Variants in PTCSC3 observed in about 807,000 individuals in gnomAD.
The protein encoded by PTCSC3 is papillary thyroid carcinoma susceptibility candidate 3.
chr14:36,149,985 C>G (rs1293216792), intron 3 of PTCSC3, among the ~76,000 whole-genome samples: 1 of 152,122 alleles, frequency 6.6e-6, no homozygotes, highest in Non-Finnish European at 1.5e-5. Context: ...TGAGCATTTC[C>G]TTTGATCATC....
chr14:36,169,450 G>A lies in PTCSC3; in HGVS notation n.172-6767C>T, dbSNP rs187061819. On this transcript the variant is annotated intron_variant and non_coding_transcript_variant, in intron 1 of 3. Transcript: ENST00000556013. Reference sequence around the variant, plus strand: ...AGAGAGAATGGAGAAAATGGATTCAGGTACAATCAGAATCTCCCAAACTGT... The same window carrying A: ...AGAGAGAATGGAGAAAATGGATTCAAGTACAATCAGAATCTCCCAAACTGT... Among the ~76,000 whole-genome samples the A allele has an allele frequency of 9.2e-5, 14 of 152,170 alleles. No homozygotes were observed. The Middle Eastern group carries it at 0.01, about 111-fold the overall frequency.
At chr14:36,160,319 T>A (rs1214601685) in intron 2 of PTCSC3, among the ~76,000 whole-genome samples, 1 of 152,178 alleles carries the variant, frequency 6.6e-6, no homozygotes, top group Non-Finnish European at 1.5e-5. Flanking sequence ...TTCTTCATAG[T>A]GTCGATGGTC....
chr14:36,147,237 G>C (rs1412097745), intron 3 of PTCSC3, among the ~76,000 whole-genome samples: 7 of 152,112 alleles, frequency 4.6e-5, no homozygotes, highest in African/African-American at 1.7e-4. Context: ...AAGTTCTCCT[G>C]GATAATATCC....
chr14:36,167,795 C>T (rs969326180), intron 1 of PTCSC3, among the ~76,000 whole-genome samples: 1 of 152,100 alleles, frequency 6.6e-6, no homozygotes, highest in Non-Finnish European at 1.5e-5. Context: ...GGGGAAAAAA[C>T]GCTCCAATTA....
chr14:36,139,119 TAAAAAAAA>T, intron 3 of PTCSC3, among the ~76,000 whole-genome samples: 1 of 106,590 alleles, frequency 9.4e-6, no homozygotes, highest in Admixed American at 1.0e-4. Flanking sequence ...ATCTCAAAAA[TAAAAAAAA>T]AAAAAAAAAA....
At chr14:36,135,816 C>A (rs1457764056), downstream of PTCSC3, among the ~76,000 whole-genome samples, 1 of 151,756 alleles carries the variant, frequency 6.6e-6, no homozygotes, top group Non-Finnish European at 1.5e-5. Context: ...TCTTTTGCCC[C>A]AATTTTTATT....
chr14:36,153,335 A>G (rs1881764011), intron 3 of PTCSC3, among the ~76,000 whole-genome samples: 1 of 152,362 alleles, frequency 6.6e-6, no homozygotes, highest in East Asian at 1.9e-4. Flanking sequence ...TTAGTGTACA[A>G]CAATATCCAA....
chr14:36,148,958 T>G (rs1453177392), intron 3 of PTCSC3, among the ~76,000 whole-genome samples: 1 of 152,102 alleles, frequency 6.6e-6, no homozygotes, highest in Non-Finnish European at 1.5e-5. Flanking sequence ...ATTTTTGGTT[T>G]TGTTGATTTT....
intron 1 of PTCSC3, among the ~76,000 whole-genome samples, chr14:36,163,091 GA>G (rs34215649): frequency 7.4e-5 from 11 of 149,294 alleles, no homozygotes; most frequent in Admixed American, 3.3e-4. Context: ...TAAATTAAGT[GA>G]AAAAAAAAAT....
chr14:36,173,062 A>T (rs2139114939), intron 1 of PTCSC3, among the ~76,000 whole-genome samples: 1 of 152,248 alleles, frequency 6.6e-6, no homozygotes, highest in Non-Finnish European at 1.5e-5. Flanking sequence ...AGGCAACAAA[A>T]GAAATAGTAG....
intron 3 of PTCSC3, among the ~76,000 whole-genome samples, chr14:36,139,586 T>C (rs773672780): frequency 6.6e-6 from 1 of 152,174 alleles, no homozygotes; most frequent in Non-Finnish European, 1.5e-5. Context: ...ACACAACATG[T>C]GTATCTATGA....
At chr14:36,143,647 A>G (rs1471503352) in intron 3 of PTCSC3, among the ~76,000 whole-genome samples, 25 of 149,506 alleles carry the variant, frequency 1.7e-4, no homozygotes, top group African/African-American at 6.1e-4. Context: ...TGCTATGCAG[A>G]AGCTCTTTAG....
Position 36,145,505 on chromosome 14 carries a change from T to C in PTCSC3, n.322+8299A>G, listed in dbSNP as rs548417124. ...CGTATTTCTGTGGGATTGGTGGTGA[T>C]ATCCCCTTTATCATTTTTTATTGTG... On this transcript the variant is annotated intron_variant and non_coding_transcript_variant, in intron 3 of 3. Coordinates refer to ENST00000556013, the Ensembl canonical transcript of PTCSC3. Among the ~76,000 whole-genome samples the C allele has an allele frequency of 5.9e-4, 88 of 149,876 alleles. 2 individuals are homozygous for C. In the East Asian group the frequency reaches 8.4e-3, roughly 14 times the overall value.
intron 3 of PTCSC3, among the ~76,000 whole-genome samples, chr14:36,146,891 G>T (rs1437194835): frequency 2.0e-5 from 3 of 152,294 alleles, no homozygotes; most frequent in South Asian, 2.1e-4. Flanking sequence ...TTGCTTGTCT[G>T]TAAAGTATTT....
chr14:36,172,540 ATCC>A (rs1047851684), intron 1 of PTCSC3, among the ~76,000 whole-genome samples: 1 of 152,140 alleles, frequency 6.6e-6, no homozygotes, highest in Non-Finnish European at 1.5e-5. Flanking sequence ...GAGGTTTCTT[ATCC>A]TCCCTCCTCA....
intron 1 of PTCSC3, among the ~76,000 whole-genome samples, chr14:36,171,214 C>G (rs1594457710): frequency 6.6e-6 from 1 of 152,174 alleles, no homozygotes; most frequent in East Asian, 1.9e-4. Flanking sequence ...TACCTTCTTT[C>G]CTATTATCTC....
chr14:36,154,714 C>T (rs963393650), intron 2 of PTCSC3, among the ~76,000 whole-genome samples: 1 of 152,050 alleles, frequency 6.6e-6, no homozygotes, highest in Non-Finnish European at 1.5e-5. Flanking sequence ...GTAGAGGCCT[C>T]TCTCTCTTTC....
intron 3 of PTCSC3, among the ~76,000 whole-genome samples, chr14:36,151,222 A>G (rs1048381550): frequency 6.6e-6 from 1 of 151,888 alleles, no homozygotes; most frequent in East Asian, 1.9e-4. Context: ...TCTTGCTTGC[A>G]TGGTTTCTGA....
chr14:36,160,931 CT>C (rs1322278517), intron 2 of PTCSC3, among the ~76,000 whole-genome samples: 5 of 152,012 alleles, frequency 3.3e-5, no homozygotes, highest in African/African-American at 9.7e-5. Flanking sequence ...CCTTTTTATT[CT>C]TTTTTCTTTA....
Sources: allele counts gnomAD v4.1 joint callset (sites outside exome capture counted in the v4.1 genomes callset), GRCh38; gene constraint gnomAD v4.1.1; transcripts MANE v1.5; gene names NCBI Gene and HGNC (gene_info 2026-07-23, HGNC 2026-07-21).